Variants in MAP4K3 observed in about 807,000 individuals in gnomAD.
MAP4K3 encodes mitogen-activated protein kinase kinase kinase kinase 3, also known as MAPK/ERK kinase kinase kinase 3.
In MAP4K3, 94 loss-of-function variants were observed where a neutral mutation model predicts 143.5. The observed-to-expected ratio is 0.65, with a 90% CI of 0.55 to 0.78. The LOEUF (loss-of-function observed/expected upper bound fraction) is 0.78. MAP4K3 is among the 30% of genes least tolerant of loss of function. The pLI, the probability that MAP4K3 is intolerant of heterozygous loss-of-function variation, is 0.00. For missense variants in MAP4K3, 1,077 were observed against 1,068.1 expected (o/e 1.01, Z -0.12); for synonymous variants, 416 against 347.2 (o/e 1.20, Z -2.20).
At chr2:39,311,461 C>A (rs1331712377) in intron 13 of MAP4K3, among the ~76,000 whole-genome samples, 1 of 152,168 alleles carries the variant, frequency 6.6e-6, no homozygotes, top group Non-Finnish European at 1.5e-5. Context: ...AAGATGGCCC[C>A]CAGTGACTCC....
At chr2:39,342,911 A>C (rs989198183) in intron 4 of MAP4K3, among the ~76,000 whole-genome samples, 2 of 152,232 alleles carry the variant, frequency 1.3e-5, no homozygotes, top group East Asian at 1.9e-4. Flanking sequence ...TTACTTTACA[A>C]ATCTCTTATA....
intron 4 of MAP4K3, among the ~76,000 whole-genome samples, chr2:39,340,504 T>C (rs1035101358): frequency 1.3e-5 from 2 of 152,216 alleles, no homozygotes; most frequent in Non-Finnish European, 2.9e-5. Context: ...TATTGACGAA[T>C]TCATATTACT....
At chr2:39,408,639 C>CAA (rs139980257) in intron 1 of MAP4K3, among the ~76,000 whole-genome samples, 8,200 of 135,742 alleles carry the variant, frequency 0.06, 313 homozygotes, top group Non-Finnish European at 0.069. Context: ...GCAGATATGG[C>CAA]AAAAAAAAAA....
At chr2:39,381,288 ATCT>A (rs1447397565) in intron 1 of MAP4K3, among the ~76,000 whole-genome samples, 1 of 152,194 alleles carries the variant, frequency 6.6e-6, no homozygotes, top group Non-Finnish European at 1.5e-5. Flanking sequence ...CCATTTGAAT[ATCT>A]TCTTTGGAGA....
intron 3 of MAP4K3, among the ~76,000 whole-genome samples, chr2:39,355,359 CAAAA>C (rs34355105): frequency 5.8e-5 from 2 of 34,538 alleles, no homozygotes; most frequent in Admixed American, 3.2e-4. Flanking sequence ...GACTCCACCT[CAAAA>C]AAAAAAAAAA....
At chr2:39,263,172 C>T (rs1444181451) in intron 28 of MAP4K3, among the ~76,000 whole-genome samples, 1 of 151,222 alleles carries the variant, frequency 6.6e-6, no homozygotes, top group Non-Finnish European at 1.5e-5. Context: ...GAAAGCGTAA[C>T]AATGTTTTTG....
intron 15 of MAP4K3, among the ~76,000 whole-genome samples, chr2:39,303,994 T>G (rs116578303): frequency 6.6e-6 from 1 of 152,222 alleles, no homozygotes; most frequent in Non-Finnish European, 1.5e-5. Flanking sequence ...ATTTTGCAGA[T>G]CAGACAAACT....
At chr2:39,299,706 T>C (rs1319113317) in intron 16 of MAP4K3, 37 bp downstream of exon 16, 1 of 1,230,876 alleles carries the variant, frequency 8.1e-7, no homozygotes, top group East Asian at 2.4e-5. Flanking sequence ...TTAATAATTC[T>C]TGAATTTAAA....
At chr2:39,435,161 T>G (rs1413519111) in intron 1 of MAP4K3, among the ~76,000 whole-genome samples, 1 of 152,190 alleles carries the variant, frequency 6.6e-6, no homozygotes, top group Non-Finnish European at 1.5e-5. Flanking sequence ...ACTTTCACAG[T>G]CATCACCATA....
intron 20 of MAP4K3, 130 bp from the exon 21 acceptor site, chr2:39,287,094 G>C: frequency 1.9e-6 from 1 of 531,310 alleles, no homozygotes; most frequent in Non-Finnish European, 3.3e-6. Flanking sequence ...CACCCAATCA[G>C]AATATTTACT....
rs34083007 is a variant in MAP4K3, at chr2:39,363,668, CAA to C, written c.155-7331_155-7330del. On this transcript the variant is annotated intron_variant, in intron 2 of 33. Coordinates refer to ENST00000263881, the MANE Select transcript of MAP4K3 (RefSeq NM_003618.4). ...TGGGCAATAGAGTGAGACTCTGTCT[CAA>C]AAAAAAAAAAAAAAAAAAAGAGCTA... Among the ~76,000 whole-genome samples the C allele has an allele frequency of 6.7e-3, 563 of 83,712 alleles. 1 individual carries two copies. Among genetic ancestry groups the C allele is most frequent in the African/African-American group, 0.026 (532 of 20,656 alleles). 54.9% of individuals were successfully genotyped at this position (83,712 alleles called of 152,430 possible). A position where few individuals can be genotyped will look rare whatever the true frequency, so the allele number is the denominator to read the frequency against.
At chr2:39,353,736 TAGCAGCAGCAGCAGC>T (rs150401154) in intron 3 of MAP4K3, among the ~76,000 whole-genome samples, 5,210 of 151,268 alleles carry the variant, frequency 0.034, 144 homozygotes, top group Non-Finnish European at 0.044. Context: ...GTAGTAGTAG[TAGCAGCAGCAGCAGC>T]AGCAGCAGCA....
intron 28 of MAP4K3, among the ~76,000 whole-genome samples, chr2:39,262,536 A>G (rs1386521328): frequency 6.6e-6 from 1 of 152,186 alleles, no homozygotes; most frequent in Non-Finnish European, 1.5e-5. Flanking sequence ...TTAAACTTTT[A>G]CAGTTTAAAC....
Position 39,286,837 on chromosome 2 carries a change from A to C in MAP4K3, c.1587+15T>G. ...GAAACAAATACAAGTAGAACTTATG[A>C]CTATCAATACCTACTGGTACATCTT... is the stretch of plus-strand genomic sequence containing the variant. On this transcript the variant is annotated intron_variant, in intron 21 of 33. Coordinates refer to ENST00000263881, the MANE Select transcript of MAP4K3 (RefSeq NM_003618.4). 6.6e-7 allele frequency: 1 copy of C among 1,523,698 alleles called. No individual in the cohort carries two copies. The highest frequency in any genetic ancestry group is 2.3e-5 in the East Asian group (1 of 44,206). 94.4% of individuals were successfully genotyped at this position (1,523,698 alleles called of 1,614,324 possible). A position where few individuals can be genotyped will look rare whatever the true frequency, so the allele number is the denominator to read the frequency against.
At chr2:39,404,577 G>C (rs1159688566) in intron 1 of MAP4K3, among the ~76,000 whole-genome samples, 1 of 151,472 alleles carries the variant, frequency 6.6e-6, no homozygotes, top group African/African-American at 2.4e-5. Flanking sequence ...TAAAACACCA[G>C]GAAGATTTCT....
At chr2:39,330,401 A>G (rs1459481307) in intron 8 of MAP4K3, among the ~76,000 whole-genome samples, 1 of 152,172 alleles carries the variant, frequency 6.6e-6, no homozygotes, top group Non-Finnish European at 1.5e-5. Context: ...TACACATGCA[A>G]AATCTCAAAA....
chr2:39,401,528 T>C (rs1666953632), intron 1 of MAP4K3, among the ~76,000 whole-genome samples: 1 of 152,126 alleles, frequency 6.6e-6, no homozygotes, highest in African/African-American at 2.4e-5. Flanking sequence ...GGCCAGGCGC[T>C]GTGGTTCATG....
At chr2:39,355,969 T>A (rs1028900891) in intron 3 of MAP4K3, among the ~76,000 whole-genome samples, 1 of 152,208 alleles carries the variant, frequency 6.6e-6, no homozygotes, top group Admixed American at 6.5e-5. Flanking sequence ...GAGAATGGCA[T>A]ATTTAGATCG....
Position 39,426,614 on chromosome 2 carries a change from T to A in MAP4K3, c.96+10278A>T, listed in dbSNP as rs928511382. Among the ~76,000 whole-genome samples, 2 of 152,090 alleles carry A rather than the reference T, an allele frequency of 1.3e-5. 1 individual carries two copies. The highest frequency in any genetic ancestry group is 3.8e-4 in the East Asian group (2 of 5,206). ...TATACAGAGAATAAATGTGGTAAAG[T>A]ATTAGCCATCGGTGAATCTTGGAAA... On this transcript the variant is annotated intron_variant, in intron 1 of 33. Coordinates refer to ENST00000263881, the MANE Select transcript of MAP4K3 (RefSeq NM_003618.4).
Sources: gnomAD v4.1 joint callset for allele counts (sites outside exome capture counted in the v4.1 genomes callset) on GRCh38, gnomAD v4.1.1 for gene constraint, MANE v1.5 for transcripts, NCBI Gene and HGNC (gene_info 2026-07-23, HGNC 2026-07-21) for gene names.